NPFFR2: variants seen among roughly 807,000 people sequenced by gnomAD.
NPFFR2 encodes the protein G-protein coupled receptor 74.
A neutral mutation model predicts 13.1 loss-of-function variants in NPFFR2; 15 were observed. The ratio of observed to expected loss-of-function variants is 1.15; its 90% CI spans 0.77 to 1.76. The LOEUF is 1.76. Among genes scored for constraint, NPFFR2 ranks in the 40% most tolerant of loss-of-function variants. NPFFR2 has a pLI of 0.00. For missense variants in NPFFR2, 572 were observed against 503.5 expected, an observed-to-expected ratio of 1.14 and a Z score of -1.30; for synonymous variants, 190 against 175.7, an observed-to-expected ratio of 1.08 and a Z score of -0.65.
At chr4:72,077,350 G>T (rs2109789779) in intron 1 of NPFFR2, among the ~76,000 whole-genome samples, 1 of 152,206 alleles carries the variant, frequency 6.6e-6, no homozygotes, top group African/African-American at 2.4e-5. Flanking sequence ...CTCTTCTAGG[G>T]CCTGTCATGG....
chr4:72,068,294 T>C (rs1234296843), intron 1 of NPFFR2, among the ~76,000 whole-genome samples: 4 of 152,192 alleles, frequency 2.6e-5, no homozygotes. Flanking sequence ...GGTTCCAAGA[T>C]GGCACCTTGT....
chr4:72,053,640 A>G (rs1268169076), intron 1 of NPFFR2, among the ~76,000 whole-genome samples: 2 of 151,902 alleles, frequency 1.3e-5, no homozygotes, highest in African/African-American at 4.8e-5. Context: ...AATTGACTTT[A>G]TATCTTGAGA....
At chr4:72,058,582 T>A (rs1246260860) in intron 1 of NPFFR2, among the ~76,000 whole-genome samples, 1 of 151,996 alleles carries the variant, frequency 6.6e-6, no homozygotes, top group Non-Finnish European at 1.5e-5. Flanking sequence ...GATTGTATGA[T>A]TGTTCTTCCT....
intron 3 of NPFFR2, among the ~76,000 whole-genome samples, chr4:72,140,089 A>G (rs1435735845): frequency 6.6e-6 from 1 of 152,040 alleles, no homozygotes; most frequent in Non-Finnish European, 1.5e-5. Context: ...AATGCTTGTG[A>G]TTTTTGCACA....
chr4:72,142,909 C>A (rs1722676780), intron 3 of NPFFR2, among the ~76,000 whole-genome samples: 5 of 152,146 alleles, frequency 3.3e-5, no homozygotes, highest in Admixed American at 3.3e-4. Context: ...GCGGAGCAGG[C>A]AAAGTCATTA....
intron 2 of NPFFR2, among the ~76,000 whole-genome samples, chr4:72,130,617 G>T (rs1722206565): frequency 6.6e-6 from 1 of 152,118 alleles, no homozygotes; most frequent in Non-Finnish European, 1.5e-5. Context: ...TGAAGGGGCG[G>T]CTCCCTTACT....
chr4:72,142,375 C>A (rs1188939971), intron 3 of NPFFR2, among the ~76,000 whole-genome samples: 9 of 152,182 alleles, frequency 5.9e-5, no homozygotes, highest in Non-Finnish European at 4.4e-5. Flanking sequence ...TCCCCAACCC[C>A]TTTTGCTTCC....
Position 72,147,026 on chromosome 4 carries a change from A to C in NPFFR2, c.477A>C (p.Thr159=), listed in dbSNP as rs375450983. 1.1e-5 allele frequency: 17 copies of C among 1,614,108 alleles called. No individual in the cohort carries two copies. The highest frequency in any genetic ancestry group is 5.3e-5 in the African/African-American group (4 of 75,036). The change falls in exon 4 of 4, where the codon ACA becomes ACC. Residue 159 remains threonine (T), a synonymous_variant. Coordinates refer to ENST00000308744, the MANE Select transcript of NPFFR2 (RefSeq NM_004885.3). Reference sequence around the variant, plus strand: ...TTAAACCAAAGCTCACTATCAAGACAGCGTTTGTCATTATTATGATCATCT... The same window carrying C: ...TTAAACCAAAGCTCACTATCAAGACCGCGTTTGTCATTATTATGATCATCT... ...YPFKPKLTIK[T]AFVIIMIIWV...
intron 1 of NPFFR2, among the ~76,000 whole-genome samples, chr4:72,052,509 G>A (rs909059376): frequency 6.6e-6 from 1 of 151,886 alleles, no homozygotes; most frequent in Admixed American, 6.6e-5. Flanking sequence ...AATAATAAGA[G>A]CTATCTATGA....
At chr4:72,043,723 C>T (rs548008537) in intron 1 of NPFFR2, among the ~76,000 whole-genome samples, 7 of 152,206 alleles carry the variant, frequency 4.6e-5, no homozygotes, top group African/African-American at 1.4e-4. Context: ...AAGTAACCAA[C>T]TTGCTTTTCA....
At chr4:72,052,720 A>G (rs569606310) in intron 1 of NPFFR2, among the ~76,000 whole-genome samples, 1 of 152,122 alleles carries the variant, frequency 6.6e-6, no homozygotes, top group African/African-American at 2.4e-5. Flanking sequence ...TCCCTGATTT[A>G]GGAGAGATTA....
rs374645916 is a variant in NPFFR2, at chr4:72,139,499, C to T, written c.428+1360C>T. 1.2e-4 allele frequency among the ~76,000 whole-genome samples: 19 copies of T among 152,200 alleles called. No individual in the cohort carries two copies. In the East Asian group the frequency reaches 2.9e-3, roughly 23 times the overall value. ...TATGGCTAGACAGTTTTCCCAGCACCGTTTATTAAATGGGGAATCCTTTCC... is the reference window on the plus strand; with the variant it reads ...TATGGCTAGACAGTTTTCCCAGCACTGTTTATTAAATGGGGAATCCTTTCC... On this transcript the variant is annotated intron_variant, in intron 3 of 3. Coordinates refer to ENST00000308744, the MANE Select transcript of NPFFR2 (RefSeq NM_004885.3).
intron 1 of NPFFR2, among the ~76,000 whole-genome samples, chr4:72,046,576 C>G (rs1336868880): frequency 6.6e-6 from 1 of 152,040 alleles, no homozygotes; most frequent in African/African-American, 2.4e-5. Flanking sequence ...TCTATTATAA[C>G]AGCAGAAAAA....
At chr4:72,134,381 T>A (rs972468569) in intron 2 of NPFFR2, among the ~76,000 whole-genome samples, 1 of 152,178 alleles carries the variant, frequency 6.6e-6, no homozygotes, top group African/African-American at 2.4e-5. Flanking sequence ...CTAAATAACA[T>A]GTTTTCAATA....
At chr4:72,099,922 A>T (rs1721191905) in intron 1 of NPFFR2, among the ~76,000 whole-genome samples, 1 of 152,136 alleles carries the variant, frequency 6.6e-6, no homozygotes. Context: ...ATACATAAAT[A>T]TCAGTGGTCT....
At chr4:72,092,849 T>C (rs1207745143) in intron 1 of NPFFR2, among the ~76,000 whole-genome samples, 4 of 152,184 alleles carry the variant, frequency 2.6e-5, no homozygotes, top group African/African-American at 9.6e-5. Flanking sequence ...ACATTAGTAT[T>C]GAAATGTGAG....
intron 2 of NPFFR2, among the ~76,000 whole-genome samples, chr4:72,135,398 G>C (rs1455544617): frequency 6.6e-6 from 1 of 151,740 alleles, no homozygotes; most frequent in South Asian, 2.1e-4. Flanking sequence ...AGAGATTCTG[G>C]ATTGCTCTTT....
At chr4:72,043,851 T>C (rs1233677089) in intron 1 of NPFFR2, among the ~76,000 whole-genome samples, 1 of 152,096 alleles carries the variant, frequency 6.6e-6, no homozygotes, top group African/African-American at 2.4e-5. Flanking sequence ...AAGGGCATGA[T>C]TGTGTTATGA....
intron 1 of NPFFR2, among the ~76,000 whole-genome samples, chr4:72,115,532 T>C (rs1721689392): frequency 6.6e-6 from 1 of 152,126 alleles, no homozygotes; most frequent in Admixed American, 6.6e-5. Context: ...TAGGCAGAGG[T>C]GTAGTGGGTA....
Sources: gnomAD v4.1 joint callset for allele counts (sites outside exome capture counted in the v4.1 genomes callset) on GRCh38, gnomAD v4.1.1 for gene constraint, MANE v1.5 for transcripts, NCBI Gene and HGNC (gene_info 2026-07-23, HGNC 2026-07-21) for gene names.